PSMD11: variants seen among roughly 807,000 people sequenced by gnomAD.
The protein encoded by PSMD11 is 26S proteasome non-ATPase regulatory subunit 11.
A neutral mutation model predicts 62.3 loss-of-function variants in PSMD11; 5 were observed. The observed-to-expected ratio is 0.08, with a 90% CI of 0.04 to 0.17. PSMD11 has a LOEUF of 0.17. Ranked by LOEUF, PSMD11 falls within the 10% of genes least tolerant of loss-of-function variation. The pLI, the probability that PSMD11 is intolerant of heterozygous loss-of-function variation, is 1.00. For synonymous variants in PSMD11, 191 were observed against 191.8 expected (o/e 1.00, Z 0.03); for missense variants, 310 against 512.9 (o/e 0.60, Z 3.82).
In PSMD11 at chr17:32,454,491, A is replaced by G. The variant is rs746163534; in HGVS notation, c.194-4A>G. 8.1e-6 allele frequency: 13 copies of G among 1,612,480 alleles called. No homozygotes were observed. The highest frequency in any genetic ancestry group is 8.0e-5 in the African/African-American group (6 of 74,846). ...CTCCTCTTTTTGAATTGCCTTTCCT[A>G]CAGAGCTTGGAGGACTCCTGAAGTA... On this transcript the variant is annotated splice_region_variant and splice_polypyrimidine_tract_variant and intron_variant, in intron 2 of 13. Coordinates refer to ENST00000261712, the MANE Select transcript of PSMD11 (RefSeq NM_002815.4).
intron 9 of PSMD11, 41 bp downstream of exon 9, chr17:32,477,624 A>T: frequency 6.6e-7 from 1 of 1,521,902 alleles, no homozygotes; most frequent in Non-Finnish European, 9.0e-7. Context: ...TGAGTGGAAG[A>T]GAGGGACGTT....
At chr17:32,478,413 G>C (rs1429019959) in intron 9 of PSMD11, among the ~76,000 whole-genome samples, 4 of 152,154 alleles carry the variant, frequency 2.6e-5, no homozygotes, top group Non-Finnish European at 5.9e-5. Flanking sequence ...ACATGAGGCT[G>C]GGATGTTGAG....
intron 3 of PSMD11, among the ~76,000 whole-genome samples, chr17:32,461,581 G>A (rs373156675): frequency 2.4e-3 from 328 of 138,434 alleles, no homozygotes; most frequent in Non-Finnish European, 2.6e-3. Context: ...CAAAAGAAAA[G>A]AAAAAAAAAA....
intron 3 of PSMD11, among the ~76,000 whole-genome samples, chr17:32,459,115 C>CATATGTATATATATATAT (rs1907738548): frequency 3.6e-5 from 4 of 111,882 alleles, no homozygotes; most frequent in African/African-American, 1.4e-4. Flanking sequence ...AAAAAAAATA[C>CATATGTATATATATATAT]ATATATATAT....
intron 2 of PSMD11, among the ~76,000 whole-genome samples, chr17:32,449,380 G>C (rs1907424847): frequency 6.6e-6 from 1 of 152,174 alleles, no homozygotes; most frequent in South Asian, 2.1e-4. Context: ...GCTCTAGCCT[G>C]GGTGACAGAG....
intron 1 of PSMD11, chr17:32,444,841 T>G: frequency 1.7e-6 from 1 of 571,438 alleles, no homozygotes. Context: ...GGCTGCTGAC[T>G]CACGGGGGGC....
At chr17:32,472,032 C>A (rs777390830) in intron 6 of PSMD11, among the ~76,000 whole-genome samples, 4 of 152,020 alleles carry the variant, frequency 2.6e-5, no homozygotes, top group Non-Finnish European at 5.9e-5. Context: ...TGTGCCACCA[C>A]GCCTGGCTAA....
At chr17:32,453,630 G>T (rs2150830120) in intron 2 of PSMD11, among the ~76,000 whole-genome samples, 1 of 152,284 alleles carries the variant, frequency 6.6e-6, no homozygotes, top group East Asian at 1.9e-4. Flanking sequence ...AGGAGGGTGA[G>T]TCTGCAATTG....
At position 32,447,344 on chromosome 17, in the gene PSMD11, A is replaced by G. The variant is rs149212637; in HGVS notation, c.193+298A>G. ...TACATAGAGGCAGCAACAGTCTTCA[A>G]TAATTTCACTGAGCAACTCTGATGT... On this transcript the variant is annotated intron_variant, in intron 2 of 13. Coordinates refer to ENST00000261712, the MANE Select transcript of PSMD11 (RefSeq NM_002815.4). The G allele has an allele frequency of 3.8e-3, 889 of 233,128 alleles. 9 individuals are homozygous for G. Among genetic ancestry groups the G allele is most frequent in the African/African-American group, 0.018 (770 of 43,692 alleles). 14.4% of individuals were successfully genotyped at this position (233,128 alleles called of 1,614,324 possible).
rs944367816 is a variant in PSMD11, at chr17:32,474,640, G to A, written c.789-124G>A. On this transcript the variant is annotated intron_variant, in intron 7 of 13. Transcript: ENST00000261712. Reference sequence around the variant, plus strand: ...GATGGGCATATGGGTTTAGGGGTTGGGCTGATTGTCTGTGTGGGCAGAGTC... The same window carrying A: ...GATGGGCATATGGGTTTAGGGGTTGAGCTGATTGTCTGTGTGGGCAGAGTC... 5.4e-6 allele frequency: 5 copies of A among 919,252 alleles called. No individual in the cohort carries two copies. The African/African-American group carries it at 8.1e-5, about 15-fold the overall frequency. The allele number at this position is 919,252 out of a possible 1,614,324, so 56.9% of individuals were successfully genotyped here. A position where few individuals can be genotyped will look rare whatever the true frequency, so the allele number is the denominator to read the frequency against.
At chr17:32,479,543 G>C in intron 10 of PSMD11, 167 bp downstream of exon 10, 1 of 1,023,050 alleles carries the variant, frequency 9.8e-7, no homozygotes, top group South Asian at 1.7e-5. Context: ...ATCGAGGAGA[G>C]AGATGCTGTG....
intron 9 of PSMD11, among the ~76,000 whole-genome samples, chr17:32,478,067 A>T (rs912200179): frequency 3.9e-5 from 6 of 152,216 alleles, no homozygotes; most frequent in Non-Finnish European, 8.8e-5. Context: ...GACCCAAAGA[A>T]ACGTCCTCAG....
At chr17:32,454,040 T>C (rs1194325208) in intron 2 of PSMD11, among the ~76,000 whole-genome samples, 3 of 152,192 alleles carry the variant, frequency 2.0e-5, no homozygotes, top group Non-Finnish European at 2.9e-5. Flanking sequence ...AGAAAATCTC[T>C]GTCTAAGGGG....
At chr17:32,462,329 G>A (rs1443005126) in intron 3 of PSMD11, among the ~76,000 whole-genome samples, 1 of 152,116 alleles carries the variant, frequency 6.6e-6, no homozygotes, top group Non-Finnish European at 1.5e-5. Flanking sequence ...ACTATTCAGA[G>A]AAATATTTTC....
chr17:32,472,128 A>T (rs1313772077), intron 6 of PSMD11, among the ~76,000 whole-genome samples: 1 of 152,090 alleles, frequency 6.6e-6, no homozygotes, highest in Non-Finnish European at 1.5e-5. Context: ...TTGGCCTCCC[A>T]AAGTGTTGAG....
rs1907352743 is a variant in PSMD11, at chr17:32,447,025, G to T, written c.172G>T (p.Ala58Ser). The T allele has an allele frequency of 6.2e-7, 1 of 1,609,602 alleles. No homozygotes were observed. Among genetic ancestry groups the T allele is most frequent in the Non-Finnish European group, 8.5e-7 (1 of 1,177,284 alleles). Residue 58 changes from alanine to serine, a missense_variant, in exon 2 of 14, where the codon GCA becomes TCA. Physicochemically the swap from Ala to Ser is moderately conservative, Grantham distance 99. This residue lies in a region of PSMD11 where 50 missense variants were observed against 94.4 expected (regional missense o/e 0.53). Transcript: ENST00000261712. ...QSILELGSLL[A>S]KTGQAAELGG... Reference sequence around the variant, plus strand: ...CATCCTGGAACTGGGATCTCTCCTGGCAAAGACTGGACAAGCTGCAGGTAA... The same window carrying T: ...CATCCTGGAACTGGGATCTCTCCTGTCAAAGACTGGACAAGCTGCAGGTAA...
Position 32,473,942 on chromosome 17 carries a change from A to T in PSMD11, c.785A>T (p.Asn262Ile), listed in dbSNP as rs1323483806. Residue 262 changes from asparagine (N) to isoleucine (I), a missense_variant, in exon 7 of 14, where the codon AAC becomes ATC. Transcript: ENST00000261712. ...KYMLLCKIML[N>I]TPEDVQALVS... ...ATGTTGCTGTGCAAAATCATGCTCA[A>T]CACGTAGGTGCACCTTAACTCTGGA... is the stretch of plus-strand genomic sequence containing the variant. 9.3e-6 allele frequency: 15 copies of T among 1,614,090 alleles called. No homozygotes were observed. Among genetic ancestry groups the T allele is most frequent in the African/African-American group, 1.3e-5 (1 of 75,042 alleles).
intron 10 of PSMD11, chr17:32,479,604 C>T (rs945872753): frequency 1.3e-5 from 9 of 705,636 alleles, no homozygotes; most frequent in East Asian, 2.7e-5. Context: ...GTTTCCTCCT[C>T]GCTTTTAGTC....
chr17:32,462,293 T>G (rs543178622), intron 3 of PSMD11, among the ~76,000 whole-genome samples: 2 of 152,356 alleles, frequency 1.3e-5, no homozygotes, highest in South Asian at 4.1e-4. Context: ...CATGTAGAAC[T>G]AAACACTTAT....
Sources: allele counts gnomAD v4.1 joint callset (sites outside exome capture counted in the v4.1 genomes callset), GRCh38; gene constraint gnomAD v4.1.1; regional missense constraint gnomAD v4.1.1; transcripts MANE v1.5; gene names NCBI Gene and HGNC (gene_info 2026-07-23, HGNC 2026-07-21).